Variants in OTOGL observed in about 807,000 individuals in gnomAD.
OTOGL encodes otogelin-like protein.
Under a neutral mutation model 318.5 loss-of-function variants are expected in OTOGL, and 285 were observed. The observed-to-expected ratio is 0.89, with a 90% CI of 0.81 to 0.99. The LOEUF is 0.99. Among genes scored for constraint, OTOGL ranks in the 50% least tolerant of loss-of-function variants. OTOGL has a pLI of 0.00. For missense variants in OTOGL, 2,899 were observed against 2,845.6 expected (o/e 1.02, Z -0.43); for synonymous variants, 987 against 936.5 (o/e 1.05, Z -0.99).
At chr12:80,248,916 C>A (rs1417025398) in intron 11 of OTOGL, among the ~76,000 whole-genome samples, 11 of 148,512 alleles carry the variant, frequency 7.4e-5, no homozygotes, top group Non-Finnish European at 1.2e-4. Flanking sequence ...TCATTCATTT[C>A]ATCTTCCATT....
chr12:80,369,630 C>T (rs6539502), intron 55 of OTOGL, among the ~76,000 whole-genome samples: 5 of 151,792 alleles, frequency 3.3e-5, no homozygotes, highest in South Asian at 2.1e-4. Flanking sequence ...TCCAGCAGCA[C>T]GAAAAGTAAC....
chr12:80,375,851 C>T (rs1169950472), intron 57 of OTOGL, among the ~76,000 whole-genome samples: 1 of 151,938 alleles, frequency 6.6e-6, no homozygotes, highest in Non-Finnish European at 1.5e-5. Context: ...GGCAGAACAG[C>T]CTGCACTCAA....
At chr12:80,202,338 T>G (rs1876516364) in intron 1 of OTOGL, among the ~76,000 whole-genome samples, 1 of 150,904 alleles carries the variant, frequency 6.6e-6, no homozygotes, top group Non-Finnish European at 1.5e-5. Context: ...TGGTGTGATC[T>G]CAGCTCACTG....
chr12:80,313,514 T>A lies in OTOGL; in HGVS notation c.3489T>A (p.Asp1163Glu), dbSNP rs754357295. 5 of 1,612,536 alleles carry A rather than the reference T, an allele frequency of 3.1e-6. No individual in the cohort carries two copies. The highest frequency in any genetic ancestry group is 4.2e-6 in the Non-Finnish European group (5 of 1,178,802). Reference protein sequence around the residue: ...VTSFAKNCHEDTCNCNLGGDC... With the variant: ...VTSFAKNCHEETCNCNLGGDC... ...CTTTTGCCAAAAATTGTCATGAAGATACATGTAACTGCAATCTTGGTGGCG... is the reference window on the plus strand; with the variant it reads ...CTTTTGCCAAAAATTGTCATGAAGAAACATGTAACTGCAATCTTGGTGGCG... The change falls in exon 31 of 59, where the codon GAT (aspartate) becomes GAA (glutamate). Residue 1163 changes from aspartate (D) to glutamate (E), a missense_variant. By Grantham distance (45) the Asp-to-Glu change is conservative. This residue lies in a region of OTOGL where 2,607 missense variants were observed against 2,524.9 expected (regional missense o/e 1.03). Transcript: ENST00000547103.
chr12:80,335,750 C>T (rs1188124164), intron 38 of OTOGL, among the ~76,000 whole-genome samples: 1 of 151,848 alleles, frequency 6.6e-6, no homozygotes, highest in African/African-American at 2.4e-5. Flanking sequence ...AATGTCCAAT[C>T]AATATTAAGT....
intron 57 of OTOGL, among the ~76,000 whole-genome samples, chr12:80,375,596 A>G (rs1891134686): frequency 6.6e-6 from 1 of 152,182 alleles, no homozygotes; most frequent in Non-Finnish European, 1.5e-5. Context: ...ATGAGGCGTC[A>G]TTTGAGTAGA....
chr12:80,328,763 T>A lies in OTOGL; in HGVS notation c.4279+19T>A. 6.4e-7 allele frequency: 1 copy of A among 1,559,680 alleles called. No homozygotes were observed. The highest frequency in any genetic ancestry group is 8.8e-7 in the Non-Finnish European group (1 of 1,134,082). On this transcript the variant is annotated intron_variant, in intron 36 of 58. Transcript: ENST00000547103. ...CGAGACTGTAAGTGTGAACGTTGCT[T>A]AATTTACTCTGAAAAATTATACGCT...
intron 1 of OTOGL, among the ~76,000 whole-genome samples, chr12:80,101,591 A>G (rs182812365): frequency 8.2e-4 from 125 of 152,340 alleles, no homozygotes; most frequent in African/African-American, 2.8e-3. Context: ...GTAGAGCAAT[A>G]GCATAATAGG....
chr12:80,161,076 C>T (rs1442672715), intron 1 of OTOGL, among the ~76,000 whole-genome samples: 5 of 151,640 alleles, frequency 3.3e-5, no homozygotes, highest in African/African-American at 7.3e-5. Context: ...TTTGGGGACT[C>T]GGGGGAAAGG....
chr12:80,324,865 A>C (rs1887577545), intron 35 of OTOGL, among the ~76,000 whole-genome samples: 1 of 152,208 alleles, frequency 6.6e-6, no homozygotes, highest in Non-Finnish European at 1.5e-5. Context: ...ATTTGATCTA[A>C]TAGAACTGCA....
intron 33 of OTOGL, among the ~76,000 whole-genome samples, chr12:80,320,079 C>T (rs1435195205): frequency 1.3e-5 from 2 of 151,976 alleles, no homozygotes; most frequent in Non-Finnish European, 2.9e-5. Flanking sequence ...AATATATGTC[C>T]AATTAATCAT....
At chr12:80,287,223 A>G (rs545064966) in intron 26 of OTOGL, among the ~76,000 whole-genome samples, 1 of 151,754 alleles carries the variant, frequency 6.6e-6, no homozygotes, top group African/African-American at 2.4e-5. Flanking sequence ...GGGTTTCTTA[A>G]TCCTGAGTTC....
chr12:80,162,314 G>A (rs1240146136), intron 1 of OTOGL, among the ~76,000 whole-genome samples: 1 of 152,112 alleles, frequency 6.6e-6, no homozygotes, highest in Non-Finnish European at 1.5e-5. Flanking sequence ...TCTAATTATA[G>A]AGATGGTGAC....
intron 35 of OTOGL, among the ~76,000 whole-genome samples, chr12:80,328,424 T>G (rs1214013359): frequency 6.6e-6 from 1 of 152,174 alleles, no homozygotes; most frequent in Admixed American, 6.5e-5. Context: ...CAAATATAAG[T>G]GTATGGTTCT....
intron 37 of OTOGL, among the ~76,000 whole-genome samples, chr12:80,331,737 G>GGCTTATAT (rs1888084913): frequency 6.6e-6 from 1 of 152,122 alleles, no homozygotes; most frequent in Non-Finnish European, 1.5e-5. Flanking sequence ...ATGAATATAT[G>GGCTTATAT]ACCTTATATG....
intron 47 of OTOGL, 87 bp downstream of exon 47, chr12:80,356,035 G>A (rs1824176183): frequency 7.2e-7 from 1 of 1,394,126 alleles, no homozygotes; most frequent in Admixed American, 2.1e-5. Flanking sequence ...ATAATGCTTT[G>A]TATTTTTAAA....
At chr12:80,283,388 G>A (rs73358965) in intron 26 of OTOGL, among the ~76,000 whole-genome samples, 29,943 of 151,764 alleles carry the variant, frequency 0.2, 3,720 homozygotes, top group African/African-American at 0.35. Flanking sequence ...TACTTTCTGT[G>A]TCTGATTTCC....
Position 80,320,339 on chromosome 12 carries a change from G to A in OTOGL, c.3803-83G>A, listed in dbSNP as rs1304176811. On this transcript the variant is annotated intron_variant, in intron 33 of 58. Coordinates refer to ENST00000547103, the MANE Select transcript of OTOGL (RefSeq NM_001378609.3). ...TTTGGCAATTGTGCAGTACTATTTT[G>A]TTTACTTTATAAGTACATTTTGTGA... 3.0e-6 allele frequency: 4 copies of A among 1,352,790 alleles called. No individual in the cohort carries two copies. The East Asian group carries it at 7.0e-5, about 24-fold the overall frequency. 83.8% of individuals were successfully genotyped at this position (1,352,790 alleles called of 1,614,324 possible). A position where few individuals can be genotyped will look rare whatever the true frequency, so the allele number is the denominator to read the frequency against.
intron 37 of OTOGL, among the ~76,000 whole-genome samples, chr12:80,329,688 C>T (rs1887948517): frequency 6.6e-6 from 1 of 152,168 alleles, no homozygotes; most frequent in Non-Finnish European, 1.5e-5. Context: ...TTAATAAATC[C>T]ACTCACAGTG....
Sources: allele counts gnomAD v4.1 joint callset (sites outside exome capture counted in the v4.1 genomes callset), GRCh38; gene constraint gnomAD v4.1.1; regional missense constraint gnomAD v4.1.1; transcripts MANE v1.5; gene names NCBI Gene and HGNC (gene_info 2026-07-23, HGNC 2026-07-21).